Variants in AAGAB observed in about 807,000 individuals in gnomAD.
The protein encoded by AAGAB is alpha and gamma adaptin binding protein, also known as alpha- and gamma-adaptin-binding protein p34.
In AAGAB, 38 loss-of-function variants were observed where a neutral mutation model predicts 44.1. That is an observed-to-expected ratio of 0.86 (90% CI 0.67 to 1.13). The LOEUF is 1.13. Ranked by LOEUF, AAGAB falls within the 50% of genes most tolerant of loss-of-function variation. AAGAB has a pLI of 0.00. For missense variants in AAGAB, 450 were observed against 373.8 expected (o/e 1.20, Z -1.68); for synonymous variants, 131 against 131.8 (o/e 0.99, Z 0.04).
Position 67,254,603 on chromosome 15 carries a change from A to G in AAGAB, c.29T>C (p.Val10Ala). 1.2e-6 allele frequency: 2 copies of G among 1,609,014 alleles called. No individual in the cohort carries two copies. The highest frequency in any genetic ancestry group is 2.2e-5 in the South Asian group (2 of 90,382). Residue 10 changes from valine to alanine, a missense_variant, in exon 1 of 10, where the codon GTC becomes GCC. Transcript: ENST00000261880. MAAGVPCAL[V>A]TSCSSVFSGD... ...TGAGAAGACGGAGGAGCAGCTGGTG[A>G]CTAACGCACAGGGTACGCCAGCAGC... is the stretch of plus-strand genomic sequence containing the variant.
At chr15:67,246,044 G>C (rs1964713290) in intron 1 of AAGAB, among the ~76,000 whole-genome samples, 2 of 152,122 alleles carry the variant, frequency 1.3e-5, no homozygotes, top group Admixed American at 1.3e-4. Flanking sequence ...ACTCTAAATA[G>C]GTTTTTGTTA....
At position 67,204,051 on chromosome 15, in the gene AAGAB, T is replaced by A; in HGVS notation, c.813A>T (p.Glu271Asp). The A allele has an allele frequency of 6.3e-7, 1 of 1,592,186 alleles. No homozygotes were observed. The highest frequency in any genetic ancestry group is 1.3e-5 in the African/African-American group (1 of 74,514). ...NFERLFSKLK[E>D]MKDKAATLPH... Reference sequence around the variant, plus strand: ...CACAATGGATCTGATTACCTTTCATTTCCTTTAACTTTGAAAAGAGTCTTT... The same window carrying A: ...CACAATGGATCTGATTACCTTTCATATCCTTTAACTTTGAAAAGAGTCTTT... The change falls in exon 8 of 10, where the codon GAA (glutamate) becomes GAT (aspartate). Residue 271 changes from glutamate (E) to aspartate (D), a missense_variant. Transcript: ENST00000261880.
intron 5 of AAGAB, among the ~76,000 whole-genome samples, chr15:67,229,213 C>G: frequency 6.6e-6 from 1 of 152,134 alleles, no homozygotes; most frequent in East Asian, 1.9e-4. Context: ...GTGGGCAGAT[C>G]ACGAGGTCAA....
At chr15:67,248,623 T>C (rs142035425) in intron 1 of AAGAB, among the ~76,000 whole-genome samples, 370 of 152,352 alleles carry the variant, frequency 2.4e-3, no homozygotes, top group African/African-American at 8.4e-3. Context: ...CAATGTTCTC[T>C]TTAGTAAATT....
At chr15:67,222,214 A>ACATG (rs1181779188) in intron 5 of AAGAB, among the ~76,000 whole-genome samples, 2 of 140,766 alleles carry the variant, frequency 1.4e-5, no homozygotes, top group South Asian at 4.7e-4. Context: ...ACTGATTACT[A>ACATG]CATGCATGCA....
chr15:67,203,836 G>A (rs558809306), intron 8 of AAGAB, among the ~76,000 whole-genome samples: 94 of 151,684 alleles, frequency 6.2e-4, no homozygotes, highest in African/African-American at 2.2e-3. Flanking sequence ...GGCAAAAGCA[G>A]GAAAAGTAAA....
intron 1 of AAGAB, among the ~76,000 whole-genome samples, chr15:67,241,482 C>T (rs1364307788): frequency 6.6e-6 from 1 of 152,234 alleles, no homozygotes; most frequent in Non-Finnish European, 1.5e-5. Context: ...ATGGGATCCA[C>T]TCTTCTGGAG....
chr15:67,249,748 TC>T (rs1724442540), intron 1 of AAGAB, among the ~76,000 whole-genome samples: 1 of 152,228 alleles, frequency 6.6e-6, no homozygotes, highest in African/African-American at 2.4e-5. Flanking sequence ...CACATTACAT[TC>T]ACACATTCCT....
chr15:67,248,210 G>GA (rs921201126), intron 1 of AAGAB, among the ~76,000 whole-genome samples: 10 of 152,112 alleles, frequency 6.6e-5, no homozygotes, highest in African/African-American at 2.2e-4. Flanking sequence ...AATGTTGGTT[G>GA]AAAAAATGTA....
chr15:67,230,465 C>T (rs1377063608), intron 5 of AAGAB, among the ~76,000 whole-genome samples: 2 of 152,148 alleles, frequency 1.3e-5, no homozygotes, highest in Admixed American at 6.5e-5. Context: ...CAGACAGGCA[C>T]CCAGGGAAAA....
Position 67,235,995 on chromosome 15 carries a change from C to T in AAGAB, c.435G>A (p.Glu145=). The T allele has an allele frequency of 6.2e-7, 1 of 1,611,796 alleles. No homozygotes were observed. Among genetic ancestry groups the T allele is most frequent in the East Asian group, 2.2e-5 (1 of 44,720 alleles). Residue 145 remains glutamate (E), a synonymous_variant, in exon 4 of 10, where the codon GAG becomes GAA. Coordinates refer to ENST00000261880, the MANE Select transcript of AAGAB (RefSeq NM_024666.5). ...GFELVELSPE[E]LPEEDDDFPE... ...AACACTTACCATCCTCCTCAGGCAA[C>T]TCCTCTGGACTAAGTTCTACCAATT...
Position 67,231,810 on chromosome 15 carries a change from T to C in AAGAB, c.535+4A>G, listed in dbSNP as rs1289797083. On this transcript the variant is annotated splice_donor_region_variant and intron_variant, in intron 5 of 9. Transcript: ENST00000261880. ...AAAAATGACTTGAGTCCCAAGTTAC[T>C]TACCATTCTTCATCACTACATTGGA... 2 of 1,607,110 alleles carry C rather than the reference T, an allele frequency of 1.2e-6. No homozygotes were observed. Among genetic ancestry groups the C allele is most frequent in the African/African-American group, 2.7e-5 (2 of 74,764 alleles).
At chr15:67,233,802 C>T (rs753482240) in intron 4 of AAGAB, among the ~76,000 whole-genome samples, 62 of 152,260 alleles carry the variant, frequency 4.1e-4, no homozygotes, top group South Asian at 2.3e-3. Flanking sequence ...AACTCCTTGA[C>T]GGCAGGAATC....
At chr15:67,211,940 T>G (rs1963830611) in intron 5 of AAGAB, among the ~76,000 whole-genome samples, 2 of 151,838 alleles carry the variant, frequency 1.3e-5, no homozygotes, top group African/African-American at 4.8e-5. Context: ...AGTGCAGTGG[T>G]GCGATCTCGG....
chr15:67,222,221 T>C (rs1964080856), intron 5 of AAGAB, among the ~76,000 whole-genome samples: 1 of 116,224 alleles, frequency 8.6e-6, no homozygotes, highest in African/African-American at 3.0e-5. Context: ...ACTACATGCA[T>C]GCACGCGCAC....
chr15:67,242,672 A>G (rs1329585750), intron 1 of AAGAB: 3 of 152,238 alleles, frequency 2.0e-5, no homozygotes, highest in African/African-American at 7.2e-5. Flanking sequence ...ACTGTGCAAC[A>G]TTAGAGTTGA....
At chr15:67,221,257 A>G (rs1337560797) in intron 5 of AAGAB, 2 of 152,388 alleles carry the variant, frequency 1.3e-5, no homozygotes, top group East Asian at 1.9e-4. Flanking sequence ...GCAAGGGAAA[A>G]TACATCATTG....
At chr15:67,254,309 G>C in intron 1 of AAGAB, 1 of 1,068,700 alleles carries the variant, frequency 9.4e-7, no homozygotes, top group Non-Finnish European at 1.3e-6. Flanking sequence ...GGCCTGGGCT[G>C]AGCAGAGCGG....
intron 5 of AAGAB, among the ~76,000 whole-genome samples, chr15:67,225,756 T>C (rs1001601178): frequency 6.6e-6 from 1 of 152,230 alleles, no homozygotes; most frequent in African/African-American, 2.4e-5. Context: ...TAACAGTCCA[T>C]TGTATGGATA....
Sources: allele counts gnomAD v4.1 joint callset (sites outside exome capture counted in the v4.1 genomes callset), GRCh38; gene constraint gnomAD v4.1.1; transcripts MANE v1.5; gene names NCBI Gene and HGNC (gene_info 2026-07-23, HGNC 2026-07-21).